The following PCDHA8 variants were observed in gnomAD, a reference collection of about 807,000 sequenced individuals.
PCDHA8 encodes the protein protocadherin alpha 8.
In PCDHA8, 53 loss-of-function variants were observed where a neutral mutation model predicts 61.8. The observed-to-expected ratio is 0.86, with a 90% CI of 0.69 to 1.08. The LOEUF (loss-of-function observed/expected upper bound fraction) is 1.08. Ranked by LOEUF, PCDHA8 falls within the 50% of genes least tolerant of loss-of-function variation. PCDHA8 has a pLI of 0.00. For synonymous variants in PCDHA8, 618 were observed against 556.6 expected (o/e 1.11, Z -1.55); for missense variants, 1,293 against 1,245.0 (o/e 1.04, Z -0.58).
intron 1 of PCDHA8, among the ~76,000 whole-genome samples, chr5:140,902,590 A>G (rs1266008229): frequency 6.6e-6 from 1 of 151,942 alleles, no homozygotes; most frequent in African/African-American, 2.4e-5. Flanking sequence ...TAGTTTTGGG[A>G]AACAGGTCGT....
At chr5:140,954,305 T>C (rs2153702260) in intron 1 of PCDHA8, among the ~76,000 whole-genome samples, 1 of 152,342 alleles carries the variant, frequency 6.6e-6, no homozygotes, top group South Asian at 2.1e-4. Context: ...TACCCAGTAA[T>C]GGGATTGCTG....
At chr5:140,849,283 A>G (rs1554142852) in intron 1 of PCDHA8, 1 of 1,191,538 alleles carries the variant, frequency 8.4e-7, no homozygotes, top group Admixed American at 2.6e-5. Context: ...CTGGTGATTC[A>G]CCCCAATGCC....
At chr5:140,927,575 A>G (rs782237037) in intron 1 of PCDHA8, 1 of 1,614,202 alleles carries the variant, frequency 6.2e-7, no homozygotes, top group South Asian at 1.1e-5. Context: ...GACACAAATG[A>G]CAACGCGCCT....
intron 1 of PCDHA8, chr5:140,927,194 T>C (rs2083959275): frequency 1.2e-6 from 2 of 1,614,122 alleles, no homozygotes; most frequent in Non-Finnish European, 1.7e-6. Context: ...GACCTGGTGC[T>C]CGAGGACCCG....
chr5:140,870,734 T>A (rs782055886), intron 1 of PCDHA8: 1 of 1,613,458 alleles, frequency 6.2e-7, no homozygotes. Flanking sequence ...GTGCCGCCTC[T>A]GAGCAGCAAC....
At chr5:140,850,702 AGCCGAC>A (rs2150495011) in intron 1 of PCDHA8, 2 of 1,598,050 alleles carry the variant, frequency 1.3e-6, no homozygotes, top group Non-Finnish European at 1.7e-6. Flanking sequence ...GCGCCTGGCA[AGCCGAC>A]GCTGGTGTGT....
chr5:140,874,732 C>T (rs1338972564), intron 1 of PCDHA8, among the ~76,000 whole-genome samples: 1 of 152,186 alleles, frequency 6.6e-6, no homozygotes, highest in Non-Finnish European at 1.5e-5. Context: ...TTATCACATT[C>T]AAGCATCAAG....
intron 1 of PCDHA8, among the ~76,000 whole-genome samples, chr5:140,898,035 T>G (rs1227571900): frequency 5.9e-5 from 9 of 152,120 alleles, no homozygotes; most frequent in African/African-American, 2.2e-4. Context: ...TTGATGGGGT[T>G]GTTTGTTTTT....
At chr5:140,885,427 G>A (rs1276398573) in intron 1 of PCDHA8, among the ~76,000 whole-genome samples, 1 of 152,092 alleles carries the variant, frequency 6.6e-6, no homozygotes, top group Admixed American at 6.5e-5. Flanking sequence ...ATTCCACAGT[G>A]TAAGTGTGCA....
At chr5:140,851,889 A>G in intron 1 of PCDHA8, 1 of 976,024 alleles carries the variant, frequency 1.0e-6, no homozygotes, top group East Asian at 1.1e-4. Context: ...TCTGGATATG[A>G]GATTTGCCTC....
At chr5:140,968,921 T>C (rs111394602) in intron 1 of PCDHA8, 34 of 1,614,098 alleles carry the variant, frequency 2.1e-5, no homozygotes, top group Non-Finnish European at 2.6e-5. Context: ...GTCTTTTATA[T>C]TTCTTTTGAC....
At chr5:140,968,641 C>T (rs782760741) in intron 1 of PCDHA8, 12 of 1,614,006 alleles carry the variant, frequency 7.4e-6, no homozygotes, top group East Asian at 4.5e-5. Context: ...ACCATCTAGC[C>T]CAGACTTCTG....
chr5:141,003,654 A>G (rs1451170896), intron 3 of PCDHA8, among the ~76,000 whole-genome samples: 1 of 152,212 alleles, frequency 6.6e-6, no homozygotes, highest in Non-Finnish European at 1.5e-5. Flanking sequence ...ATCTGTATGC[A>G]TTTATTAAAA....
At chr5:140,884,864 T>C (rs1048751495) in intron 1 of PCDHA8, among the ~76,000 whole-genome samples, 1 of 152,234 alleles carries the variant, frequency 6.6e-6, no homozygotes, top group African/African-American at 2.4e-5. Flanking sequence ...TCACAAACCA[T>C]AATGAAATGT....
chr5:140,887,853 C>G (rs145942561), intron 1 of PCDHA8, among the ~76,000 whole-genome samples: 1 of 152,170 alleles, frequency 6.6e-6, no homozygotes, highest in African/African-American at 2.4e-5. Flanking sequence ...GACATATTTT[C>G]CAAGTTCACT....
intron 1 of PCDHA8, among the ~76,000 whole-genome samples, chr5:140,971,561 A>G (rs367567903): frequency 1.3e-3 from 195 of 152,186 alleles, no homozygotes; most frequent in African/African-American, 4.3e-3. Context: ...TTAAATTCCC[A>G]TGTTGGGCTT....
At chr5:140,927,318 C>T (rs149532133) in intron 1 of PCDHA8, 18,448 of 1,614,194 alleles carry the variant, frequency 0.011, 218 homozygotes, top group South Asian at 0.039. Flanking sequence ...CCGGAGCCCG[C>T]TTTACTCTCC....
chr5:140,975,964 T>C (rs1554237162), intron 1 of PCDHA8, among the ~76,000 whole-genome samples: 2 of 152,218 alleles, frequency 1.3e-5, no homozygotes, highest in South Asian at 2.1e-4. Flanking sequence ...TCTTCACCAA[T>C]AGAAAGTAAG....
At chr5:140,966,707 A>T in intron 1 of PCDHA8, 2 of 1,379,868 alleles carry the variant, frequency 1.4e-6, no homozygotes, top group Non-Finnish European at 9.3e-7. Flanking sequence ...GGCGTGGGGC[A>T]CGGCTGGGGA....
Sources: gnomAD v4.1 joint callset for allele counts (sites outside exome capture counted in the v4.1 genomes callset) on GRCh38, gnomAD v4.1.1 for gene constraint, MANE v1.5 for transcripts, NCBI Gene and HGNC (gene_info 2026-07-23, HGNC 2026-07-21) for gene names.